MSRB3: variants seen among roughly 807,000 people sequenced by gnomAD.
The protein encoded by MSRB3 is methionine-R-sulfoxide reductase B3.
In MSRB3, 13 loss-of-function variants were observed where a neutral mutation model predicts 21.0. The ratio of observed to expected loss-of-function variants is 0.62; its 90% confidence interval spans 0.40 to 0.98. MSRB3 has a LOEUF of 0.98. Ranked by LOEUF, MSRB3 falls within the 50% of genes least tolerant of loss-of-function variation. MSRB3 has a pLI of 0.00. For missense variants in MSRB3, 199 were observed against 230.3 expected (o/e 0.86, Z 0.88); for synonymous variants, 87 against 88.6 (o/e 0.98, Z 0.10).
At chr12:65,438,235 T>C (rs1443558976) in intron 5 of MSRB3, among the ~76,000 whole-genome samples, 1 of 151,818 alleles carries the variant, frequency 6.6e-6, no homozygotes, top group East Asian at 1.9e-4. Flanking sequence ...ATTCAGTAGG[T>C]GAGTTGAAGG....
At chr12:65,304,457 T>G (rs1873528869) in intron 1 of MSRB3, among the ~76,000 whole-genome samples, 1 of 152,186 alleles carries the variant, frequency 6.6e-6, no homozygotes, top group South Asian at 2.1e-4. Flanking sequence ...TTTTGGGAGA[T>G]TAGGAAGATT....
intron 5 of MSRB3, among the ~76,000 whole-genome samples, chr12:65,426,508 G>C (rs547981103): frequency 6.6e-6 from 1 of 152,202 alleles, no homozygotes; most frequent in Admixed American, 6.5e-5. Context: ...TTTGATTATA[G>C]TATGTCTTGC....
intron 1 of MSRB3, among the ~76,000 whole-genome samples, chr12:65,288,997 G>A (rs1872540983): frequency 6.6e-6 from 1 of 152,058 alleles, no homozygotes; most frequent in African/African-American, 2.4e-5. Context: ...AAAAAAATCT[G>A]GGTACCCTCA....
chr12:65,312,949 T>C (rs1874070510), intron 2 of MSRB3, among the ~76,000 whole-genome samples: 2 of 152,228 alleles, frequency 1.3e-5, no homozygotes, highest in East Asian at 1.9e-4. Flanking sequence ...CTTTTGAATT[T>C]ATTGTCTGAC....
chr12:65,383,780 C>A (rs963812405), intron 5 of MSRB3, among the ~76,000 whole-genome samples: 5 of 151,762 alleles, frequency 3.3e-5, no homozygotes, highest in African/African-American at 1.2e-4. Context: ...CCTGCCTCAG[C>A]TCCCAAGTAG....
intron 4 of MSRB3, among the ~76,000 whole-genome samples, chr12:65,363,292 G>A (rs1352519623): frequency 1.3e-5 from 2 of 152,122 alleles, no homozygotes; most frequent in Admixed American, 6.6e-5. Flanking sequence ...TTTCCCCAGA[G>A]AGACAATAAA....
intron 1 of MSRB3, among the ~76,000 whole-genome samples, chr12:65,303,934 G>T (rs1284053048): frequency 6.6e-6 from 1 of 152,168 alleles, no homozygotes; most frequent in Non-Finnish European, 1.5e-5. Context: ...TGTTAGTATG[G>T]CAGGAGTGTG....
intron 2 of MSRB3, among the ~76,000 whole-genome samples, chr12:65,309,799 A>G (rs552830325): frequency 1.0e-3 from 155 of 152,268 alleles, no homozygotes; most frequent in African/African-American, 3.7e-3. Flanking sequence ...GCATGGGAAA[A>G]CATGAAGGCC....
Position 65,399,522 on chromosome 12 carries a change from T to C in MSRB3, c.292+30496T>C, listed in dbSNP as rs537447588. On this transcript the variant is annotated intron_variant, in intron 5 of 6. Coordinates refer to ENST00000308259, the MANE Select transcript of MSRB3 (RefSeq NM_001031679.3). ...TTTGGGCTGAGATGATGAGGTTTTCTAAATATACAATCATGTCATCTGCAA... is the reference window on the plus strand; with the variant it reads ...TTTGGGCTGAGATGATGAGGTTTTCCAAATATACAATCATGTCATCTGCAA... Among the ~76,000 whole-genome samples, 4 of 152,362 alleles carry C rather than the reference T, an allele frequency of 2.6e-5. No homozygotes were observed. The East Asian group carries it at 7.7e-4, about 29-fold the overall frequency.
chr12:65,319,312 T>C lies in MSRB3; in HGVS notation c.77-7514T>C, dbSNP rs118110792. 1.1e-3 allele frequency among the ~76,000 whole-genome samples: 160 copies of C among 152,274 alleles called. 3 individuals carry two copies. In the East Asian group the frequency reaches 0.027, roughly 25 times the overall value. On this transcript the variant is annotated intron_variant, in intron 2 of 6. Transcript: ENST00000308259. ...CTGCATACTTTTCATCAGGATAGGG[T>C]AATGACCACCTTGACTTGTGCACAT...
intron 4 of MSRB3, among the ~76,000 whole-genome samples, chr12:65,342,806 T>G (rs2136476450): frequency 6.6e-6 from 1 of 152,144 alleles, no homozygotes; most frequent in East Asian, 1.9e-4. Context: ...TTTAATTATC[T>G]GGAAAGAGAT....
At position 65,328,546 on chromosome 12, in the gene MSRB3, C is replaced by T; in HGVS notation, c.206C>T (p.Thr69Ile). ...GTESAFEGEYTHHKDPGIYKC... is the reference protein window; with the variant it reads ...GTESAFEGEYIHHKDPGIYKC... ...ATCAGTGCCTTTGAAGGAGAATACA[C>T]ACATCACAAAGATCCTGGAATATAT... is the stretch of plus-strand genomic sequence containing the variant. The change falls in exon 4 of 7, where the codon ACA becomes ATA. Residue 69 changes from threonine to isoleucine, a missense_variant. Physicochemically the swap from Thr to Ile is moderately conservative, Grantham distance 89. Transcript: ENST00000308259. 1.2e-6 allele frequency: 2 copies of T among 1,611,562 alleles called. No individual in the cohort carries two copies. Among genetic ancestry groups the T allele is most frequent in the Non-Finnish European group, 1.7e-6 (2 of 1,178,004 alleles).
Position 65,463,456 on chromosome 12 carries a change from T to C in MSRB3, c.*134T>C. ...TGTGCTATTGATATTTTTTCTTCTTTTGCTTAAACAGAAGCCCTGGCCATC... is the reference window on the plus strand; with the variant it reads ...TGTGCTATTGATATTTTTTCTTCTTCTGCTTAAACAGAAGCCCTGGCCATC... On this transcript the variant is annotated 3_prime_UTR_variant, in exon 7 of 7. Transcript: ENST00000308259. 8.9e-7 allele frequency: 1 copy of C among 1,127,846 alleles called. No individual in the cohort carries two copies. The highest frequency in any genetic ancestry group is 1.6e-5 in the South Asian group (1 of 64,038). 69.9% of individuals were successfully genotyped at this position (1,127,846 alleles called of 1,614,324 possible). A position where few individuals can be genotyped will look rare whatever the true frequency, so the allele number is the denominator to read the frequency against.
chr12:65,422,428 A>ATATATATATATATATATT (rs34413074), intron 5 of MSRB3, among the ~76,000 whole-genome samples: 2 of 73,404 alleles, frequency 2.7e-5, no homozygotes, highest in Non-Finnish European at 5.1e-5. Context: ...ATATATATAT[A>ATATATATATATATATATT]TATTTATTTA....
chr12:65,353,234 A>G (rs998059517), intron 4 of MSRB3, among the ~76,000 whole-genome samples: 11 of 152,148 alleles, frequency 7.2e-5, no homozygotes, highest in African/African-American at 2.7e-4. Flanking sequence ...GCAGATGTCC[A>G]TTAGGTCCAC....
At chr12:65,286,029 T>C (rs758394807) in intron 1 of MSRB3, 8 of 152,258 alleles carry the variant, frequency 5.3e-5, no homozygotes, top group Non-Finnish European at 1.0e-4. Flanking sequence ...GTAGTAACTA[T>C]GTTTTTAGTA....
chr12:65,330,796 C>T lies in MSRB3; in HGVS notation c.263+2193C>T, dbSNP rs1875363472. 2.0e-5 allele frequency among the ~76,000 whole-genome samples: 3 copies of T among 152,232 alleles called. No individual in the cohort carries two copies. In the South Asian group the frequency reaches 6.2e-4, roughly 32 times the overall value. On this transcript the variant is annotated intron_variant, in intron 4 of 6. Coordinates refer to ENST00000308259, the MANE Select transcript of MSRB3 (RefSeq NM_001031679.3). ...GAAATCGTATTTCACCTTGGCAAGG[C>T]TCCTGGCACAGCACAGTCCACCTCC...
At chr12:65,311,569 GA>G (rs1873988491) in intron 2 of MSRB3, among the ~76,000 whole-genome samples, 1 of 152,012 alleles carries the variant, frequency 6.6e-6, no homozygotes. Context: ...AGATGAAATT[GA>G]AATGGGAATT....
intron 5 of MSRB3, among the ~76,000 whole-genome samples, chr12:65,427,608 GC>G (rs1881666943): frequency 6.6e-6 from 1 of 152,180 alleles, no homozygotes; most frequent in African/African-American, 2.4e-5. Context: ...TGGAGCTGAG[GC>G]CTGAAGCACA....
Sources: allele counts gnomAD v4.1 joint callset (sites outside exome capture counted in the v4.1 genomes callset), GRCh38; gene constraint gnomAD v4.1.1; transcripts MANE v1.5; gene names NCBI Gene and HGNC (gene_info 2026-07-23, HGNC 2026-07-21).